The following TMEM97 variants were observed in gnomAD, a reference collection of about 807,000 sequenced individuals.
The protein encoded by TMEM97 is transmembrane protein 97, also known as sigma intracellular receptor 2.
In TMEM97, 13 loss-of-function variants were observed where a neutral mutation model predicts 18.3. That is an observed-to-expected ratio of 0.71 (90% CI 0.46 to 1.13). TMEM97 has a LOEUF of 1.13. Among genes scored for constraint, TMEM97 ranks in the 50% most tolerant of loss-of-function variants. The pLI is 0.00. For missense variants in TMEM97, 205 were observed against 210.5 expected (o/e 0.97, Z 0.16); for synonymous variants, 76 against 85.3 (o/e 0.89, Z 0.60).
intron 1 of TMEM97, 123 bp downstream of exon 1, chr17:28,319,488 G>A: frequency 8.2e-7 from 1 of 1,213,740 alleles, no homozygotes; most frequent in East Asian, 3.1e-5. Context: ...TCCTGCCCAT[G>A]CCTCCCCCGC....
rs1243847724 is a variant in TMEM97, at chr17:28,327,000, G to T, written c.*207G>T. 2.6e-5 allele frequency: 15 copies of T among 583,342 alleles called. No homozygotes were observed. The highest frequency in any genetic ancestry group is 1.9e-4 in the Admixed American group (6 of 31,638). 36.1% of individuals were successfully genotyped at this position (583,342 alleles called of 1,614,324 possible). A position where few individuals can be genotyped will look rare whatever the true frequency, so the allele number is the denominator to read the frequency against. ...TTTTTTAAGACAGTCTCACTCTGTT[G>T]CCCAGGCTGGAGTAAAGGGCAGTGG... On this transcript the variant is annotated 3_prime_UTR_variant, in exon 3 of 3. Transcript: ENST00000226230.
chr17:28,319,466 G>T, intron 1 of TMEM97, 101 bp downstream of exon 1: 2 of 1,378,206 alleles, frequency 1.5e-6, no homozygotes, highest in South Asian at 1.6e-5. Flanking sequence ...GGTTCCAGTT[G>T]CCTCTCTCGG....
In TMEM97 at chr17:28,326,790, A is replaced by AT. The variant is rs782078886; in HGVS notation, c.529dup (p.Ter177LeufsTer10). On this transcript the variant is annotated frameshift_variant, in exon 3 of 3. Coordinates refer to ENST00000226230, the MANE Select transcript of TMEM97 (RefSeq NM_014573.3). LOFTEE classifies it high-confidence loss of function. ...AGTATGAAGAGAAAAGAAAAAAAAA[A>AT]TGAAGGAAACAACCACTGGCCCAGG... 1.2e-6 allele frequency: 2 copies of AT among 1,610,486 alleles called. No homozygotes were observed. Among genetic ancestry groups the AT allele is most frequent in the East Asian group, 2.2e-5 (1 of 44,878 alleles).
chr17:28,319,396 T>G, intron 1 of TMEM97, 31 bp downstream of exon 1: 1 of 1,398,858 alleles, frequency 7.1e-7, no homozygotes, highest in Non-Finnish European at 9.3e-7. Context: ...CCCGGCCCGC[T>G]GAGGCTCTCC....
intron 2 of TMEM97, 31 bp downstream of exon 2, chr17:28,325,678 A>G (rs1555575388): frequency 6.2e-7 from 1 of 1,613,504 alleles, no homozygotes; most frequent in Admixed American, 1.7e-5. Flanking sequence ...TCCCATTTTT[A>G]CTCAGAAATC....
At position 28,322,774 on chromosome 17, in the gene TMEM97, C is replaced by T. The variant is rs1017953472; in HGVS notation, c.127-2729C>T. Among the ~76,000 whole-genome samples, 29 of 151,920 alleles carry T rather than the reference C, an allele frequency of 1.9e-4. 1 individual carries two copies. Among genetic ancestry groups the T allele is most frequent in the African/African-American group, 7.0e-4 (29 of 41,332 alleles). On this transcript the variant is annotated intron_variant, in intron 1 of 2. Transcript: ENST00000226230. The stretch of plus-strand genomic sequence containing the variant: ...AGCAACCACTGGTTTAGAGATCGTG[C>T]GTGCAGGCCAGGTGAATCTTTTATG...
intron 1 of TMEM97, among the ~76,000 whole-genome samples, chr17:28,323,729 C>G (rs1271474428): frequency 6.6e-6 from 1 of 152,134 alleles, no homozygotes; most frequent in Non-Finnish European, 1.5e-5. Context: ...GCAGTCAGGC[C>G]GGGTGCAGTG....
rs782067286 is a variant in TMEM97, at chr17:28,326,699, T to G, written c.437T>G (p.Val146Gly). Residue 146 changes from valine (V) to glycine (G), a missense_variant, in exon 3 of 3, where the codon GTC becomes GGC. Transcript: ENST00000226230. ...TLHERLTLVS[V>G]YAPYLLIPFI... Reference sequence around the variant, plus strand: ...CATGAACGGTTAACCCTTGTGTCTGTCTATGCCCCCTACTTACTCATCCCA... The same window carrying G: ...CATGAACGGTTAACCCTTGTGTCTGGCTATGCCCCCTACTTACTCATCCCA... 1.2e-6 allele frequency: 2 copies of G among 1,614,132 alleles called. No individual in the cohort carries two copies. Among genetic ancestry groups the G allele is most frequent in the Non-Finnish European group, 1.7e-6 (2 of 1,180,018 alleles).
At chr17:28,326,215 A>G (rs1480836041) in intron 2 of TMEM97, among the ~76,000 whole-genome samples, 1 of 152,168 alleles carries the variant, frequency 6.6e-6, no homozygotes, top group Non-Finnish European at 1.5e-5. Context: ...TTACTGAACA[A>G]ACAGATGCCA....
intron 2 of TMEM97, 29 bp from the exon 3 acceptor site, chr17:28,326,505 C>G (rs1555575472): frequency 3.7e-6 from 6 of 1,604,946 alleles, no homozygotes; most frequent in Non-Finnish European, 3.4e-6. Context: ...ACAGACCTAA[C>G]CATTTTTCTT....
At position 28,327,497 on chromosome 17, in the gene TMEM97, C is replaced by A. The variant is rs1314628715; in HGVS notation, c.*704C>A. 1.3e-5 allele frequency: 2 copies of A among 152,192 alleles called. No homozygotes were observed. The highest frequency in any genetic ancestry group is 2.9e-5 in the Non-Finnish European group (2 of 68,040). The allele number at this position is 152,192 out of a possible 1,614,324, so 9.4% of individuals were successfully genotyped here. A position where few individuals can be genotyped will look rare whatever the true frequency, so the allele number is the denominator to read the frequency against. ...ACAGCATATATGCTTATGACTAAACCCTCCACTCCTGATTCTCAAGAGTGT... is the reference window on the plus strand; with the variant it reads ...ACAGCATATATGCTTATGACTAAACACTCCACTCCTGATTCTCAAGAGTGT... On this transcript the variant is annotated 3_prime_UTR_variant, in exon 3 of 3. Transcript: ENST00000226230.
intron 1 of TMEM97, among the ~76,000 whole-genome samples, chr17:28,323,098 G>A (rs1209814240): frequency 6.6e-6 from 1 of 151,860 alleles, no homozygotes; most frequent in African/African-American, 2.4e-5. Context: ...TAAAGGCCTT[G>A]CCTAAAGCCA....
chr17:28,319,402 T>G, intron 1 of TMEM97, 37 bp downstream of exon 1: 2 of 1,390,022 alleles, frequency 1.4e-6, no homozygotes, highest in Non-Finnish European at 1.9e-6. Flanking sequence ...CCGCTGAGGC[T>G]CTCCCGGCGC....
intron 1 of TMEM97, chr17:28,319,661 G>A (rs1237492233): frequency 3.2e-6 from 1 of 313,240 alleles, no homozygotes. Context: ...AGTGTCTGAG[G>A]GAAGTAGTCT....
rs1176378232 is a variant in TMEM97 at position 28,327,162 on chromosome 17, G to A, written c.*369G>A. On this transcript the variant is annotated 3_prime_UTR_variant, in exon 3 of 3. Transcript: ENST00000226230. ...GTTTTTTTTGTGTGTGTGGAGACAGGGTTTTGCCATGTTGCCCAGGTTGGT... is the reference window on the plus strand; with the variant it reads ...GTTTTTTTTGTGTGTGTGGAGACAGAGTTTTGCCATGTTGCCCAGGTTGGT... 2 of 214,708 alleles carry A rather than the reference G, an allele frequency of 9.3e-6. No homozygotes were observed. The highest frequency in any genetic ancestry group is 9.5e-6 in the Non-Finnish European group (1 of 105,014). The allele number at this position is 214,708 out of a possible 1,614,324, so 13.3% of individuals were successfully genotyped here. A position where few individuals can be genotyped will look rare whatever the true frequency, so the allele number is the denominator to read the frequency against.
Position 28,326,956 on chromosome 17 carries a change from C to A in TMEM97, c.*163C>A. On this transcript the variant is annotated 3_prime_UTR_variant, in exon 3 of 3. Transcript: ENST00000226230. The stretch of plus-strand genomic sequence containing the variant: ...GTCAGGAACCATGTCAAACCCTCAC[C>A]TTCTTCCATTTTTTTTTTTTTTTTA... 4 of 887,652 alleles carry A rather than the reference C, an allele frequency of 4.5e-6. No homozygotes were observed. Among genetic ancestry groups the A allele is most frequent in the Non-Finnish European group, 5.1e-6 (3 of 594,028 alleles). 55.0% of individuals were successfully genotyped at this position (887,652 alleles called of 1,614,324 possible).
chr17:28,325,722 A>G, intron 2 of TMEM97, 75 bp downstream of exon 2: 1 of 1,585,148 alleles, frequency 6.3e-7, no homozygotes, highest in Admixed American at 1.7e-5. Context: ...AGTATCTCCA[A>G]AGGGAAGGGG....
intron 2 of TMEM97, 67 bp downstream of exon 2, chr17:28,325,714 T>C (rs1555575398): frequency 8.1e-6 from 13 of 1,600,096 alleles, no homozygotes; most frequent in Non-Finnish European, 1.0e-5. Context: ...TTTGGGAAAG[T>C]ATCTCCAAAG....
chr17:28,325,719 C>G (rs1322577746), intron 2 of TMEM97, 72 bp downstream of exon 2: 2 of 1,593,786 alleles, frequency 1.3e-6, no homozygotes, highest in East Asian at 4.5e-5. Context: ...GAAAGTATCT[C>G]CAAAGGGAAG....
Sources: allele counts gnomAD v4.1 joint callset (sites outside exome capture counted in the v4.1 genomes callset), GRCh38; gene constraint gnomAD v4.1.1; transcripts MANE v1.5; gene names NCBI Gene and HGNC (gene_info 2026-07-23, HGNC 2026-07-21).